RAP1GDS1: variants seen among roughly 807,000 people sequenced by gnomAD.
The protein encoded by RAP1GDS1 is RAP1, GTP-GDP dissociation stimulator 1.
Under a neutral mutation model 71.1 loss-of-function variants are expected in RAP1GDS1, and 35 were observed. The ratio of observed to expected loss-of-function variants is 0.49; its 90% CI spans 0.38 to 0.65. The LOEUF (loss-of-function observed/expected upper bound fraction) is 0.65, where lower values mean the gene tolerates loss of function less well. Ranked by LOEUF, RAP1GDS1 falls within the 30% of genes least tolerant of loss-of-function variation. The pLI, the probability that RAP1GDS1 is intolerant of heterozygous loss-of-function variation, is 0.00. For synonymous variants in RAP1GDS1, 229 were observed against 243.1 expected (o/e 0.94, Z 0.54); for missense variants, 663 against 706.1 (o/e 0.94, Z 0.69).
intron 4 of RAP1GDS1, among the ~76,000 whole-genome samples, chr4:98,363,203 T>C (rs1560903706): frequency 6.6e-6 from 1 of 151,892 alleles, no homozygotes; most frequent in African/African-American, 2.4e-5. Flanking sequence ...AGTAGAGTAA[T>C]TGAGCTAAGT....
At chr4:98,302,489 A>T (rs1484360285) in intron 2 of RAP1GDS1, among the ~76,000 whole-genome samples, 3 of 152,214 alleles carry the variant, frequency 2.0e-5, no homozygotes, top group Admixed American at 6.5e-5. Flanking sequence ...GAAGATAGTC[A>T]AAAAGATCCA....
chr4:98,338,980 C>T, intron 2 of RAP1GDS1, among the ~76,000 whole-genome samples: 1 of 151,762 alleles, frequency 6.6e-6, no homozygotes, highest in South Asian at 2.1e-4. Context: ...CAAGCTATAA[C>T]CTTAAATTAT....
chr4:98,345,186 A>C (rs1426548702), intron 3 of RAP1GDS1, among the ~76,000 whole-genome samples: 1 of 152,144 alleles, frequency 6.6e-6, no homozygotes, highest in Non-Finnish European at 1.5e-5. Flanking sequence ...AACCTGACAC[A>C]ACATAGTACA....
chr4:98,387,487 T>C (rs1245231289), intron 5 of RAP1GDS1: 3 of 456,010 alleles, frequency 6.6e-6, no homozygotes, highest in Non-Finnish European at 1.3e-5. Flanking sequence ...CTTGGAACCA[T>C]TGAAATTCAA....
intron 5 of RAP1GDS1, among the ~76,000 whole-genome samples, chr4:98,379,749 G>C (rs1404055256): frequency 1.3e-5 from 2 of 151,794 alleles, no homozygotes; most frequent in Non-Finnish European, 2.9e-5. Flanking sequence ...TTAATTAAAT[G>C]CATATAAATC....
intron 2 of RAP1GDS1, among the ~76,000 whole-genome samples, chr4:98,336,262 C>T (rs989985548): frequency 1.3e-5 from 2 of 152,106 alleles, no homozygotes; most frequent in African/African-American, 2.4e-5. Flanking sequence ...AACACATTTC[C>T]TCATGGTGTT....
chr4:98,267,907 G>A (rs779373953), intron 1 of RAP1GDS1, among the ~76,000 whole-genome samples: 5 of 152,122 alleles, frequency 3.3e-5, no homozygotes, highest in Admixed American at 6.6e-5. Flanking sequence ...TTTTAAGTTC[G>A]TCGAGAAGTC....
At chr4:98,372,004 C>T (rs1268991674) in intron 4 of RAP1GDS1, among the ~76,000 whole-genome samples, 1 of 151,986 alleles carries the variant, frequency 6.6e-6, no homozygotes, top group Non-Finnish European at 1.5e-5. Flanking sequence ...TCAAATCTAC[C>T]ATCTTCCTAG....
intron 6 of RAP1GDS1, among the ~76,000 whole-genome samples, chr4:98,400,625 G>A (rs548611148): frequency 6.6e-6 from 1 of 151,708 alleles, no homozygotes. Flanking sequence ...CAAAATTACA[G>A]CTAGATAGGA....
chr4:98,371,474 A>T (rs987959706), intron 4 of RAP1GDS1, among the ~76,000 whole-genome samples: 1 of 150,954 alleles, frequency 6.6e-6, no homozygotes, highest in African/African-American at 2.4e-5. Flanking sequence ...AATACTGCTT[A>T]TTTTTTATGT....
intron 1 of RAP1GDS1, among the ~76,000 whole-genome samples, chr4:98,265,309 T>C (rs1274255273): frequency 2.0e-5 from 3 of 152,190 alleles, no homozygotes; most frequent in African/African-American, 7.2e-5. Context: ...AATCTCCTGA[T>C]ACATATTCAG....
chr4:98,413,637 G>A (rs544723123), intron 7 of RAP1GDS1, among the ~76,000 whole-genome samples: 434 of 151,802 alleles, frequency 2.9e-3, no homozygotes, highest in African/African-American at 9.9e-3. Flanking sequence ...CATTTGGGTT[G>A]GTTCCAAGTC....
rs568076455 is a variant in RAP1GDS1, at chr4:98,394,906, A to G, written c.637+2826A>G. Among the ~76,000 whole-genome samples, 174 of 152,244 alleles carry G rather than the reference A, an allele frequency of 1.1e-3. 1 individual carries two copies. The South Asian group carries it at 0.018, about 16-fold the overall frequency. ...TTTTCAAACTTTTTGACTATGGCCC[A>G]TAATAAGAAATACATGTTCTTATCA... On this transcript the variant is annotated intron_variant, in intron 6 of 14. Transcript: ENST00000408927.
chr4:98,410,859 T>C (rs549914763), intron 7 of RAP1GDS1, among the ~76,000 whole-genome samples: 2 of 152,308 alleles, frequency 1.3e-5, no homozygotes, highest in South Asian at 4.1e-4. Flanking sequence ...TAGAAGTGAT[T>C]ACCATAATAA....
chr4:98,434,153 GA>G (rs1750832114), intron 13 of RAP1GDS1, 91 bp downstream of exon 13: 4 of 1,466,194 alleles, frequency 2.7e-6, no homozygotes, highest in Non-Finnish European at 3.8e-6. Flanking sequence ...ACAGAACCTT[GA>G]CTGGAAGCAT....
chr4:98,440,827 C>T (rs1412838591), intron 14 of RAP1GDS1, among the ~76,000 whole-genome samples: 1 of 152,162 alleles, frequency 6.6e-6, no homozygotes, highest in Non-Finnish European at 1.5e-5. Flanking sequence ...AAGCGATTCT[C>T]CTGCCTCAGC....
At chr4:98,272,489 CA>C (rs1723614958) in intron 1 of RAP1GDS1, among the ~76,000 whole-genome samples, 1 of 152,072 alleles carries the variant, frequency 6.6e-6, no homozygotes, top group South Asian at 2.1e-4. Context: ...TCGGTTCGTT[CA>C]ACTTTTGAAG....
intron 3 of RAP1GDS1, among the ~76,000 whole-genome samples, chr4:98,347,778 A>G (rs1736515647): frequency 6.6e-6 from 1 of 152,004 alleles, no homozygotes; most frequent in Non-Finnish European, 1.5e-5. Context: ...GTTCATCGCC[A>G]TTGTTCTTTT....
intron 8 of RAP1GDS1, 109 bp from the exon 9 acceptor site, chr4:98,417,258 T>A: frequency 9.3e-7 from 1 of 1,069,658 alleles, no homozygotes; most frequent in Non-Finnish European, 1.4e-6. Flanking sequence ...ATTATGAATG[T>A]AACAGTTTGT....
Sources: gnomAD v4.1 joint callset for allele counts (sites outside exome capture counted in the v4.1 genomes callset) on GRCh38, gnomAD v4.1.1 for gene constraint, MANE v1.5 for transcripts, NCBI Gene and HGNC (gene_info 2026-07-23, HGNC 2026-07-21) for gene names.